Variants in RGPD4 observed in about 807,000 individuals in gnomAD.
The protein encoded by RGPD4 is ranBP2-like and GRIP domain-containing protein 4.
In RGPD4, 84 loss-of-function variants were observed where a neutral mutation model predicts 141.1. That is an observed-to-expected ratio of 0.60 (90% CI 0.50 to 0.71). RGPD4 has a LOEUF of 0.71. RGPD4 is among the 30% of genes least tolerant of loss of function. The probability of loss-of-function intolerance (pLI) is 0.00; values close to 1 mark genes in which losing one functional copy is unlikely to be tolerated. For missense variants in RGPD4, 918 were observed against 1,622.4 expected (o/e 0.57, Z 7.46); for synonymous variants, 298 against 566.8 (o/e 0.53, Z 6.74).
chr2:107,891,257 T>C lies in RGPD4; in HGVS notation c.*526T>C, dbSNP rs1399122250. ...AGAATCGTTTGAGGCTAGTGAGCTG[T>C]GATTGTACCACTGCACTCCAGCTCG... On this transcript the variant is annotated 3_prime_UTR_variant, in exon 23 of 23. Coordinates refer to ENST00000408999, the MANE Select transcript of RGPD4 (RefSeq NM_182588.3). Among the ~76,000 whole-genome samples the C allele has an allele frequency of 7.3e-6, 1 of 136,502 alleles. No individual in the cohort carries two copies. The highest frequency in any genetic ancestry group is 3.0e-5 in the African/African-American group (1 of 33,122). 89.6% of individuals were successfully genotyped at this position (136,502 alleles called of 152,430 possible). A position where few individuals can be genotyped will look rare whatever the true frequency, so the allele number is the denominator to read the frequency against.
Position 107,850,656 on chromosome 2 carries a change from T to A in RGPD4, c.978+2120T>A, listed in dbSNP as rs1468972261. On this transcript the variant is annotated intron_variant, in intron 7 of 22. Coordinates refer to ENST00000408999, the MANE Select transcript of RGPD4 (RefSeq NM_182588.3). The stretch of plus-strand genomic sequence containing the variant: ...AGTTCTTATTTTTATTTATTTTATT[T>A]TTTTTTTTGAGACGGAGTCTCACTC... Among the ~76,000 whole-genome samples the A allele has an allele frequency of 6.9e-5, 3 of 43,770 alleles. 1 individual carries two copies. Among genetic ancestry groups the A allele is most frequent in the East Asian group, 3.2e-4 (1 of 3,078 alleles). The allele number at this position is 43,770 out of a possible 152,430, so 28.7% of individuals were successfully genotyped here.
At chr2:107,827,679 C>T (rs1202346027) in intron 1 of RGPD4, among the ~76,000 whole-genome samples, 1 of 52,438 alleles carries the variant, frequency 1.9e-5, no homozygotes, top group Non-Finnish European at 4.0e-5. Flanking sequence ...AGGCGGCGGC[C>T]TCGACCTGGC....
intron 1 of RGPD4, among the ~76,000 whole-genome samples, chr2:107,833,085 T>C (rs531783423): frequency 6.7e-6 from 1 of 150,130 alleles, no homozygotes; most frequent in Non-Finnish European, 1.5e-5. Context: ...TTGTCCTGTA[T>C]AATCGCGGCC....
At chr2:107,885,004 A>T (rs1366786509) in intron 22 of RGPD4, among the ~76,000 whole-genome samples, 1 of 151,914 alleles carries the variant, frequency 6.6e-6, no homozygotes, top group Non-Finnish European at 1.5e-5. Context: ...CTTTCTAATG[A>T]TGAAGGAGGA....
chr2:107,833,767 C>T (rs893730666), intron 1 of RGPD4, among the ~76,000 whole-genome samples: 2 of 152,020 alleles, frequency 1.3e-5, no homozygotes, highest in South Asian at 2.1e-4. Context: ...GGCCGGGCTC[C>T]GTGGCTGACG....
chr2:107,871,196 G>A lies in RGPD4; in HGVS notation c.3192G>A (p.Gly1064=), dbSNP rs534291140. 6 of 1,609,686 alleles carry A rather than the reference G, an allele frequency of 3.7e-6. No homozygotes were observed. The South Asian group carries it at 5.5e-5, about 15-fold the overall frequency. ...EEGEKVLYSQ[G]VKLFRFDAEV... is the part of the protein sequence containing the mutation. ...GTGAAAAAGTTCTGTATTCACAGGG[G>A]GTAAAACTATTTAGATTTGATGCTG... Residue 1064 remains glycine, a synonymous_variant, in exon 20 of 23, where the codon GGG becomes GGA. Coordinates refer to ENST00000408999, the MANE Select transcript of RGPD4 (RefSeq NM_182588.3).
chr2:107,826,948 G>C lies in RGPD4; in HGVS notation c.-66G>C. The C allele has an allele frequency of 6.4e-7, 1 of 1,554,212 alleles. No individual in the cohort carries two copies. The highest frequency in any genetic ancestry group is 1.9e-5 in the Admixed American group (1 of 51,422). ...GTGGCTTTCAGGCGCTTTCCTGTTG[G>C]AATTGGCGACTGCTGCGGGGCTGAG... On this transcript the variant is annotated 5_prime_UTR_variant, in exon 1 of 23. Coordinates refer to ENST00000408999, the MANE Select transcript of RGPD4 (RefSeq NM_182588.3).
At chr2:107,853,748 T>C (rs1187812553) in intron 7 of RGPD4, among the ~76,000 whole-genome samples, 1 of 82,972 alleles carries the variant, frequency 1.2e-5, no homozygotes, top group Non-Finnish European at 2.5e-5. Flanking sequence ...TATGCTTTTT[T>C]TTTTTTTTCT....
In RGPD4 at chr2:107,889,196, C is replaced by G. The variant is rs1406794978; in HGVS notation, c.5267-1525C>G. On this transcript the variant is annotated intron_variant, in intron 22 of 22. Coordinates refer to ENST00000408999, the MANE Select transcript of RGPD4 (RefSeq NM_182588.3). ...AATCTTTATCCAAGAGGAATGAAAA[C>G]CAGTATTCACACAAAATCCTATGCA... Among the ~76,000 whole-genome samples, 4 of 136,828 alleles carry G rather than the reference C, an allele frequency of 2.9e-5. No individual in the cohort carries two copies. In the South Asian group the frequency reaches 9.6e-4, roughly 33 times the overall value. 89.8% of individuals were successfully genotyped at this position (136,828 alleles called of 152,430 possible).
intron 22 of RGPD4, among the ~76,000 whole-genome samples, chr2:107,886,124 C>T: frequency 7.5e-6 from 1 of 133,860 alleles, no homozygotes; most frequent in East Asian, 2.2e-4. Flanking sequence ...ATGGGAGAAA[C>T]AAAAAACAAG....
chr2:107,834,490 A>T (rs1681602286), intron 1 of RGPD4, among the ~76,000 whole-genome samples: 1 of 152,114 alleles, frequency 6.6e-6, no homozygotes, highest in Non-Finnish European at 1.5e-5. Flanking sequence ...GACACGAATC[A>T]TCCCTTTGTC....
intron 1 of RGPD4, among the ~76,000 whole-genome samples, chr2:107,829,647 G>C (rs1177625784): frequency 3.3e-5 from 5 of 152,212 alleles, no homozygotes; most frequent in Admixed American, 1.3e-4. Context: ...GCAGTCCTGT[G>C]GGCGGCGTGG....
Position 107,859,173 on chromosome 2 carries a change from A to T in RGPD4, c.1336A>T (p.Asn446Tyr). ...QHLTWLGLQWNSLPALPGIRK... is the reference protein window; with the variant it reads ...QHLTWLGLQWYSLPALPGIRK... ...CCTTACTTGGCTTGGCTTACAGTGGAATTCATTGCCTGCTTTACCTGGAAT... is the reference window on the plus strand; with the variant it reads ...CCTTACTTGGCTTGGCTTACAGTGGTATTCATTGCCTGCTTTACCTGGAAT... Residue 446 changes from asparagine (N) to tyrosine (Y), a missense_variant, in exon 10 of 23, where the codon AAT becomes TAT. Physicochemically the swap from Asn to Tyr is moderately radical, Grantham distance 143. Coordinates refer to ENST00000408999, the MANE Select transcript of RGPD4 (RefSeq NM_182588.3). 1 of 972,540 alleles carries T rather than the reference A, an allele frequency of 1.0e-6. No individual in the cohort carries two copies. Among genetic ancestry groups the T allele is most frequent in the Non-Finnish European group, 1.4e-6 (1 of 696,038 alleles). The allele number at this position is 972,540 out of a possible 1,614,324, so 60.2% of individuals were successfully genotyped here.
rs1297782761 is a variant in RGPD4, at chr2:107,835,623, T to G, written c.73-979T>G. ...CTTACACATGGTAGGAGAAGAGATT[T>G]CTGGAATACCTTTCCTCCCCAAAGA... On this transcript the variant is annotated intron_variant, in intron 1 of 22. Coordinates refer to ENST00000408999, the MANE Select transcript of RGPD4 (RefSeq NM_182588.3). Among the ~76,000 whole-genome samples, 3 of 151,422 alleles carry G rather than the reference T, an allele frequency of 2.0e-5. No individual in the cohort carries two copies. The East Asian group carries it at 5.9e-4, about 30-fold the overall frequency.
intron 20 of RGPD4, among the ~76,000 whole-genome samples, chr2:107,876,488 C>A (rs144857844): frequency 6.6e-6 from 1 of 151,348 alleles, no homozygotes; most frequent in Non-Finnish European, 1.5e-5. Context: ...TTAGCTAGAG[C>A]AAGGAACTTA....
chr2:107,881,379 G>A (rs1372780791), intron 21 of RGPD4, among the ~76,000 whole-genome samples: 4 of 151,262 alleles, frequency 2.6e-5, no homozygotes, highest in Non-Finnish European at 5.9e-5. Flanking sequence ...GTGCAGTGGT[G>A]CAATCTCAGC....
At chr2:107,857,914 G>C (rs1468977672) in intron 9 of RGPD4, among the ~76,000 whole-genome samples, 1 of 151,920 alleles carries the variant, frequency 6.6e-6, no homozygotes, top group East Asian at 1.9e-4. Flanking sequence ...GCTTCAACCT[G>C]GGAGGTGGAG....
At chr2:107,844,848 TTTTTTTG>T (rs1681866651) in intron 6 of RGPD4, among the ~76,000 whole-genome samples, 1 of 105,306 alleles carries the variant, frequency 9.5e-6, no homozygotes, top group African/African-American at 3.8e-5. Context: ...TTTTTTTTTT[TTTTTTTG>T]AGAGGGAGTC....
chr2:107,862,764 T>A lies in RGPD4; in HGVS notation c.2288T>A (p.Leu763His). The A allele has an allele frequency of 1.2e-6, 1 of 823,122 alleles. No homozygotes were observed. The highest frequency in any genetic ancestry group is 2.5e-5 in the East Asian group (1 of 39,266). The allele number at this position is 823,122 out of a possible 1,614,324, so 51.0% of individuals were successfully genotyped here. ...GAAAACTATAGTGAAGGAGATCCTC[T>A]CTATAAAAATGGTTCTTTGCGAAAT... ...ELENYSEGDP[L>H]YKNGSLRNAD... Residue 763 changes from leucine (L) to histidine (H), a missense_variant, in exon 16 of 23, where the codon CTC (leucine) becomes CAC (histidine). Leu to His is a moderately conservative substitution (Grantham distance 99). Transcript: ENST00000408999.
Sources: allele counts gnomAD v4.1 joint callset (sites outside exome capture counted in the v4.1 genomes callset), GRCh38; gene constraint gnomAD v4.1.1; transcripts MANE v1.5; gene names NCBI Gene and HGNC (gene_info 2026-07-23, HGNC 2026-07-21).